PCDHA2: variants seen among roughly 807,000 people sequenced by gnomAD.
PCDHA2 encodes protocadherin alpha-2.
In PCDHA2, 58 loss-of-function variants were observed where a neutral mutation model predicts 66.0. The ratio of observed to expected loss-of-function variants is 0.88; its 90% CI spans 0.71 to 1.09. PCDHA2 has a LOEUF of 1.09. PCDHA2 is among the 50% of genes least tolerant of loss of function. PCDHA2 has a pLI of 0.00. For missense variants in PCDHA2, 1,267 were observed against 1,242.3 expected, an observed-to-expected ratio of 1.02 and a Z score of -0.30; for synonymous variants, 634 against 554.0, an observed-to-expected ratio of 1.14 and a Z score of -2.03.
At chr5:140,892,561 A>T (rs766284976) in intron 1 of PCDHA2, among the ~76,000 whole-genome samples, 1 of 152,156 alleles carries the variant, frequency 6.6e-6, no homozygotes, top group Non-Finnish European at 1.5e-5. Context: ...GTCCTTGGAG[A>T]CTGTCAAAAG....
At chr5:140,805,529 G>A in intron 1 of PCDHA2, 2 of 986,496 alleles carry the variant, frequency 2.0e-6, no homozygotes, top group Non-Finnish European at 2.4e-6. Flanking sequence ...AGACAAACAG[G>A]ATGAAAATAA....
Position 140,821,968 on chromosome 5 carries a change from G to C in PCDHA2, c.2388+24616G>C, listed in dbSNP as rs1341114422. The C allele has an allele frequency of 1.5e-5, 25 of 1,614,068 alleles. No individual in the cohort carries two copies. The highest frequency in any genetic ancestry group is 2.0e-5 in the Non-Finnish European group (24 of 1,180,052). On this transcript the variant is annotated intron_variant, in intron 1 of 3. Coordinates refer to ENST00000526136, the MANE Select transcript of PCDHA2 (RefSeq NM_018905.3). ...GGAGCTGGTGCCGCGCCTGTTCCGGGTGGCGTCCAAGGGCCGCGGGGACCT... is the reference window on the plus strand; with the variant it reads ...GGAGCTGGTGCCGCGCCTGTTCCGGCTGGCGTCCAAGGGCCGCGGGGACCT...
chr5:140,876,165 C>A, intron 1 of PCDHA2: 3 of 1,613,944 alleles, frequency 1.9e-6, no homozygotes, highest in Non-Finnish European at 2.5e-6. Flanking sequence ...TTCAAATAAC[C>A]GTCCTGGATG....
At chr5:140,924,906 T>TAAAAA (rs1284498744) in intron 1 of PCDHA2, among the ~76,000 whole-genome samples, 1 of 55,822 alleles carries the variant, frequency 1.8e-5, no homozygotes, top group Non-Finnish European at 3.4e-5. Context: ...AAAAAAAAAA[T>TAAAAA]AAAATAAAAT....
intron 1 of PCDHA2, among the ~76,000 whole-genome samples, chr5:140,846,179 C>T (rs1250648449): frequency 1.3e-5 from 2 of 149,312 alleles, no homozygotes; most frequent in African/African-American, 4.9e-5. Flanking sequence ...CCTGAGTAGG[C>T]GTTTGAGTTC....
Position 140,971,209 on chromosome 5 carries a change from C to A in PCDHA2, c.2389-7740C>A, listed in dbSNP as rs147218200. 2.2e-3 allele frequency among the ~76,000 whole-genome samples: 328 copies of A among 152,236 alleles called. 3 individuals are homozygous for A. Among genetic ancestry groups the A allele is most frequent in the African/African-American group, 7.7e-3 (319 of 41,534 alleles). Reference sequence around the variant, plus strand: ...AAGCTCAGAGGAAAGACACTGTTACCCTCCCTCTCCTGACTCAAAGCTTGG... The same window carrying A: ...AAGCTCAGAGGAAAGACACTGTTACACTCCCTCTCCTGACTCAAAGCTTGG... On this transcript the variant is annotated intron_variant, in intron 1 of 3. Coordinates refer to ENST00000526136, the MANE Select transcript of PCDHA2 (RefSeq NM_018905.3).
At chr5:140,924,901 AAAAAT>A (rs10667761) in intron 1 of PCDHA2, among the ~76,000 whole-genome samples, 4,416 of 80,206 alleles carry the variant, frequency 0.055, 204 homozygotes, top group African/African-American at 0.16. Flanking sequence ...TCTCAAAAAA[AAAAAT>A]AAAATAAAAT....
intron 1 of PCDHA2, chr5:140,929,943 A>G (rs996777609): frequency 1.3e-5 from 2 of 152,224 alleles, no homozygotes; most frequent in African/African-American, 4.8e-5. Flanking sequence ...TCTCTAGCCT[A>G]TACTTTTAAT....
chr5:140,835,620 C>T, intron 1 of PCDHA2: 2 of 1,613,942 alleles, frequency 1.2e-6, no homozygotes, highest in Non-Finnish European at 1.7e-6. Flanking sequence ...GGACAGCGCT[C>T]TGGACCGCGA....
chr5:140,844,325 T>G (rs2150370543), intron 1 of PCDHA2, among the ~76,000 whole-genome samples: 1 of 149,576 alleles, frequency 6.7e-6, no homozygotes, highest in African/African-American at 2.4e-5. Context: ...AATTTTATTA[T>G]AAACTAGTTA....
At chr5:140,836,078 G>C (rs1179241173) in intron 1 of PCDHA2, 4 of 1,613,554 alleles carry the variant, frequency 2.5e-6, no homozygotes, top group Non-Finnish European at 3.4e-6. Context: ...CGCCGGCACT[G>C]CTGGCGCCTC....
At chr5:140,900,422 C>G (rs1422913254) in intron 1 of PCDHA2, among the ~76,000 whole-genome samples, 1 of 152,142 alleles carries the variant, frequency 6.6e-6, no homozygotes, top group East Asian at 1.9e-4. Context: ...GGATTATAGG[C>G]ACGTGCCACC....
intron 1 of PCDHA2, chr5:140,801,157 G>A: frequency 1.3e-6 from 2 of 1,535,110 alleles, no homozygotes; most frequent in Non-Finnish European, 8.7e-7. Flanking sequence ...TTAAACTTTG[G>A]ATCAATGTAA....
At position 140,853,027 on chromosome 5, in the gene PCDHA2, T is replaced by C. The variant is rs2150527386; in HGVS notation, c.2388+55675T>C. The C allele has an allele frequency of 3.8e-4, 97 of 255,546 alleles. 3 individuals are homozygous for C. Among genetic ancestry groups the C allele is most frequent in the Non-Finnish European group, 5.7e-4 (88 of 155,318 alleles). 15.8% of individuals were successfully genotyped at this position (255,546 alleles called of 1,614,324 possible). Reference sequence around the variant, plus strand: ...CCGAGTAGCTGGGACTACAGGCGCCTGCCACCATGCCCGCCTAATTTTTTT... The same window carrying C: ...CCGAGTAGCTGGGACTACAGGCGCCCGCCACCATGCCCGCCTAATTTTTTT... On this transcript the variant is annotated intron_variant, in intron 1 of 3. Coordinates refer to ENST00000526136, the MANE Select transcript of PCDHA2 (RefSeq NM_018905.3).
chr5:140,995,286 C>T (rs571122259), intron 3 of PCDHA2, among the ~76,000 whole-genome samples: 18 of 152,182 alleles, frequency 1.2e-4, no homozygotes, highest in African/African-American at 3.4e-4. Context: ...CCAAAACAGC[C>T]AGTCGGATAC....
At chr5:140,809,794 A>G (rs1764545260) in intron 1 of PCDHA2, 3 of 458,452 alleles carry the variant, frequency 6.5e-6, no homozygotes, top group South Asian at 4.4e-5. Context: ...ACAGAACTGT[A>G]ATTTCTAGTA....
At chr5:140,991,452 C>T (rs1162146299) in intron 3 of PCDHA2, among the ~76,000 whole-genome samples, 3 of 152,184 alleles carry the variant, frequency 2.0e-5, no homozygotes, top group African/African-American at 7.2e-5. Context: ...TAAAACAACA[C>T]AATGTATTAT....
At chr5:140,827,966 G>T in intron 1 of PCDHA2, 1 of 1,337,492 alleles carries the variant, frequency 7.5e-7, no homozygotes, top group Non-Finnish European at 1.0e-6. Flanking sequence ...TTCTATTACT[G>T]CATCATTCCC....
intron 1 of PCDHA2, chr5:140,824,143 T>C (rs2150132574): frequency 3.1e-6 from 5 of 1,612,198 alleles, no homozygotes; most frequent in Non-Finnish European, 1.7e-6. Context: ...TTTTCTAATA[T>C]TAACATCCAT....
Sources: allele counts gnomAD v4.1 joint callset (sites outside exome capture counted in the v4.1 genomes callset), GRCh38; gene constraint gnomAD v4.1.1; transcripts MANE v1.5; gene names NCBI Gene and HGNC (gene_info 2026-07-23, HGNC 2026-07-21).